Variants in FBXL7 observed in about 807,000 individuals in gnomAD.
FBXL7 encodes the protein F-box and leucine rich repeat protein 7.
In FBXL7, 12 loss-of-function variants were observed where a neutral mutation model predicts 38.3. That is an observed-to-expected ratio of 0.31 (90% CI 0.20 to 0.51). The LOEUF (loss-of-function observed/expected upper bound fraction) is 0.51. FBXL7 is among the 20% of genes least tolerant of loss of function. The pLI is 0.98. For synonymous variants in FBXL7, 297 were observed against 300.9 expected, an observed-to-expected ratio of 0.99 and a Z score of 0.13; for missense variants, 567 against 676.4, an observed-to-expected ratio of 0.84 and a Z score of 1.79.
intron 2 of FBXL7, among the ~76,000 whole-genome samples, chr5:15,729,875 C>T (rs1735525213): frequency 6.6e-6 from 1 of 152,146 alleles, no homozygotes; most frequent in Non-Finnish European, 1.5e-5. Context: ...GAGAAAAATG[C>T]TGTTCAAAGA....
At chr5:15,756,910 A>C (rs1443440889) in intron 2 of FBXL7, among the ~76,000 whole-genome samples, 2 of 152,210 alleles carry the variant, frequency 1.3e-5, no homozygotes, top group East Asian at 3.8e-4. Flanking sequence ...AATTCAAAGA[A>C]AATAAGTTTG....
At chr5:15,771,968 A>G (rs1736741153) in intron 2 of FBXL7, among the ~76,000 whole-genome samples, 1 of 151,804 alleles carries the variant, frequency 6.6e-6, no homozygotes, top group South Asian at 2.1e-4. Context: ...ACGAAGATTC[A>G]CCATGTTAAT....
chr5:15,570,194 A>C (rs1738727831), intron 1 of FBXL7, among the ~76,000 whole-genome samples: 1 of 152,220 alleles, frequency 6.6e-6, no homozygotes, highest in African/African-American at 2.4e-5. Flanking sequence ...CCTCTGGTAG[A>C]ATTCGGCTGT....
intron 2 of FBXL7, among the ~76,000 whole-genome samples, chr5:15,657,669 C>G (rs568051109): frequency 4.7e-4 from 72 of 152,164 alleles, no homozygotes; most frequent in African/African-American, 1.7e-3. Context: ...CCAACACTGT[C>G]TCTACTAAAA....
intron 2 of FBXL7, among the ~76,000 whole-genome samples, chr5:15,793,476 ATT>A (rs1185256384): frequency 6.6e-6 from 1 of 152,168 alleles, no homozygotes; most frequent in Non-Finnish European, 1.5e-5. Flanking sequence ...TTTGGGGCCC[ATT>A]TGGATAATCT....
At chr5:15,501,483 C>T (rs896596770) in intron 1 of FBXL7, 5 of 985,496 alleles carry the variant, frequency 5.1e-6, no homozygotes, top group Non-Finnish European at 3.6e-6. Context: ...GCCCCTGATA[C>T]GCATAAGGCA....
chr5:15,512,462 T>C (rs1164023148), intron 1 of FBXL7, among the ~76,000 whole-genome samples: 3 of 152,220 alleles, frequency 2.0e-5, no homozygotes, highest in African/African-American at 7.2e-5. Flanking sequence ...GATGGATCTA[T>C]AGCCATGATC....
chr5:15,509,215 C>A (rs1307487211), intron 1 of FBXL7, among the ~76,000 whole-genome samples: 1 of 152,316 alleles, frequency 6.6e-6, no homozygotes, highest in Non-Finnish European at 1.5e-5. Context: ...AGTGGCAGTT[C>A]TTCCTCCTGG....
At chr5:15,686,854 T>C (rs535375721) in intron 2 of FBXL7, among the ~76,000 whole-genome samples, 1 of 152,314 alleles carries the variant, frequency 6.6e-6, no homozygotes, top group East Asian at 1.9e-4. Flanking sequence ...CCAAGAAGTA[T>C]GCTGACCACC....
chr5:15,761,756 GC>G (rs1736452784), intron 2 of FBXL7, among the ~76,000 whole-genome samples: 2 of 152,090 alleles, frequency 1.3e-5, no homozygotes, highest in Admixed American at 6.5e-5. Flanking sequence ...TTTTGCCCAG[GC>G]TGGGTCTCAA....
At chr5:15,853,210 A>G (rs1171667868) in intron 2 of FBXL7, among the ~76,000 whole-genome samples, 1 of 152,166 alleles carries the variant, frequency 6.6e-6, no homozygotes, top group Non-Finnish European at 1.5e-5. Flanking sequence ...TGTGTTGAAC[A>G]TGCAAGCACT....
chr5:15,723,557 GAA>G (rs1744261497), intron 2 of FBXL7, among the ~76,000 whole-genome samples: 1 of 152,154 alleles, frequency 6.6e-6, no homozygotes, highest in Non-Finnish European at 1.5e-5. Flanking sequence ...ATAGAGTTGA[GAA>G]AAGATAGGCA....
chr5:15,622,443 C>A (rs1454062602), intron 2 of FBXL7, among the ~76,000 whole-genome samples: 4 of 152,144 alleles, frequency 2.6e-5, no homozygotes, highest in African/African-American at 9.7e-5. Flanking sequence ...CCGCTCTCCC[C>A]ACCCGACACA....
chr5:15,829,994 G>T (rs765282079), intron 2 of FBXL7, among the ~76,000 whole-genome samples: 1 of 152,088 alleles, frequency 6.6e-6, no homozygotes, highest in Non-Finnish European at 1.5e-5. Context: ...ATTACATGTT[G>T]TGATGACAAA....
chr5:15,830,881 C>T (rs1239836547), intron 2 of FBXL7, among the ~76,000 whole-genome samples: 1 of 152,062 alleles, frequency 6.6e-6, no homozygotes, highest in African/African-American at 2.4e-5. Context: ...CCTGGAGCTG[C>T]CCATTGCCCA....
intron 2 of FBXL7, among the ~76,000 whole-genome samples, chr5:15,634,515 GT>G (rs200539199): frequency 0.051 from 7,427 of 146,718 alleles, 531 homozygotes; most frequent in East Asian, 0.35. Flanking sequence ...TGGGGGGGGG[GT>G]TTACCCTAGG....
At chr5:15,523,046 A>G (rs1277418920) in intron 1 of FBXL7, among the ~76,000 whole-genome samples, 1 of 152,232 alleles carries the variant, frequency 6.6e-6, no homozygotes, top group East Asian at 1.9e-4. Flanking sequence ...TCTCCAGGAC[A>G]CTGGCTACAT....
intron 2 of FBXL7, among the ~76,000 whole-genome samples, chr5:15,691,955 C>T (rs1366100287): frequency 6.6e-6 from 1 of 152,144 alleles, no homozygotes; most frequent in Non-Finnish European, 1.5e-5. Flanking sequence ...TTCTGATAAA[C>T]AGCAATCATA....
intron 1 of FBXL7, among the ~76,000 whole-genome samples, chr5:15,602,530 C>G (rs1433270627): frequency 6.6e-6 from 1 of 151,980 alleles, no homozygotes; most frequent in Admixed American, 6.5e-5. Context: ...AGACATGGAG[C>G]CTACTCTCAT....
Sources: gnomAD v4.1 joint callset for allele counts (sites outside exome capture counted in the v4.1 genomes callset) on GRCh38, gnomAD v4.1.1 for gene constraint, MANE v1.5 for transcripts, NCBI Gene and HGNC (gene_info 2026-07-23, HGNC 2026-07-21) for gene names.